Variants in TOM1L2 observed in about 807,000 individuals in gnomAD.
The protein encoded by TOM1L2 is TOM1-like protein 2.
Under a neutral mutation model 67.9 loss-of-function variants are expected in TOM1L2, and 31 were observed. The observed-to-expected ratio is 0.46, with a 90% CI of 0.34 to 0.62. The LOEUF (loss-of-function observed/expected upper bound fraction) is 0.62, where lower values mean the gene tolerates loss of function less well. TOM1L2 is among the 20% of genes least tolerant of loss of function. The pLI, the probability that TOM1L2 is intolerant of heterozygous loss-of-function variation, is 0.01. For synonymous variants in TOM1L2, 256 were observed against 254.0 expected (o/e 1.01, Z -0.07); for missense variants, 606 against 663.5 (o/e 0.91, Z 0.95).
intron 2 of TOM1L2, among the ~76,000 whole-genome samples, chr17:17,902,253 G>A (rs1054560318): frequency 6.6e-6 from 1 of 152,206 alleles, no homozygotes; most frequent in Non-Finnish European, 1.5e-5. Flanking sequence ...CTGAAGGACT[G>A]TCATCAAGGC....
chr17:17,910,394 T>C (rs1311202598), intron 1 of TOM1L2, among the ~76,000 whole-genome samples: 2 of 152,130 alleles, frequency 1.3e-5, no homozygotes, highest in Non-Finnish European at 2.9e-5. Context: ...GCAATGCATT[T>C]ACATCAGATG....
chr17:17,970,562 G>C (rs986655988), intron 1 of TOM1L2, among the ~76,000 whole-genome samples: 1 of 152,182 alleles, frequency 6.6e-6, no homozygotes, highest in East Asian at 1.9e-4. Context: ...GAGTGGAAAA[G>C]GACATGGGGA....
At chr17:17,899,764 G>A (rs2038753265) in intron 2 of TOM1L2, among the ~76,000 whole-genome samples, 1 of 152,162 alleles carries the variant, frequency 6.6e-6, no homozygotes, top group African/African-American at 2.4e-5. Context: ...TCAATATACT[G>A]GTCTTTCCCA....
intron 12 of TOM1L2, among the ~76,000 whole-genome samples, chr17:17,853,993 A>G (rs1293647503): frequency 6.6e-6 from 1 of 152,258 alleles, no homozygotes; most frequent in Non-Finnish European, 1.5e-5. Flanking sequence ...GTCAGAAATT[A>G]TGGAAACTGA....
At chr17:17,867,652 G>A (rs1276969815) in intron 8 of TOM1L2, among the ~76,000 whole-genome samples, 4 of 152,216 alleles carry the variant, frequency 2.6e-5, no homozygotes, top group Non-Finnish European at 4.4e-5. Flanking sequence ...CAAATGCCAT[G>A]GGCAGCGGTA....
intron 7 of TOM1L2, among the ~76,000 whole-genome samples, chr17:17,875,864 AAG>A (rs1437793444): frequency 6.6e-6 from 1 of 152,248 alleles, no homozygotes; most frequent in African/African-American, 2.4e-5. Context: ...GTTGATGAGA[AAG>A]GGGAATAATG....
intron 1 of TOM1L2, among the ~76,000 whole-genome samples, chr17:17,956,529 G>A (rs528538687): frequency 2.6e-5 from 4 of 152,332 alleles, no homozygotes; most frequent in South Asian, 2.1e-4. Context: ...CGATGGGACC[G>A]GGCGCAGTGG....
intron 8 of TOM1L2, among the ~76,000 whole-genome samples, chr17:17,868,291 T>C (rs1021683517): frequency 1.3e-5 from 2 of 152,196 alleles, no homozygotes; most frequent in African/African-American, 4.8e-5. Context: ...ACAGAGCCAC[T>C]GGTGTGTACT....
chr17:17,905,359 C>T (rs953417460), intron 2 of TOM1L2, among the ~76,000 whole-genome samples: 2 of 152,218 alleles, frequency 1.3e-5, no homozygotes, highest in Admixed American at 1.3e-4. Flanking sequence ...CCTCAGGAAA[C>T]AGCAGCTCCA....
At chr17:17,914,744 G>A (rs2039557007) in intron 1 of TOM1L2, among the ~76,000 whole-genome samples, 1 of 152,176 alleles carries the variant, frequency 6.6e-6, no homozygotes, top group Non-Finnish European at 1.5e-5. Flanking sequence ...TGTGAAGTCA[G>A]ATTCTTACTA....
intron 1 of TOM1L2, among the ~76,000 whole-genome samples, chr17:17,956,682 G>A (rs1332846111): frequency 6.6e-6 from 1 of 152,226 alleles, no homozygotes; most frequent in Non-Finnish European, 1.5e-5. Context: ...CACAGCACTG[G>A]CGGGCCGGCA....
At chr17:17,941,687 C>T (rs1335292252) in intron 1 of TOM1L2, among the ~76,000 whole-genome samples, 1 of 152,112 alleles carries the variant, frequency 6.6e-6, no homozygotes, top group Admixed American at 6.5e-5. Flanking sequence ...CTGGCTCTGC[C>T]ACATTTATTA....
chr17:17,854,087 C>G (rs567021981), intron 12 of TOM1L2, among the ~76,000 whole-genome samples: 1 of 152,196 alleles, frequency 6.6e-6, no homozygotes, highest in Non-Finnish European at 1.5e-5. Flanking sequence ...GCTTATATAA[C>G]GTAAGCTTAA....
intron 1 of TOM1L2, among the ~76,000 whole-genome samples, chr17:17,912,256 C>G (rs1240354372): frequency 2.0e-5 from 3 of 151,060 alleles, no homozygotes; most frequent in African/African-American, 4.9e-5. Context: ...CCTCACCTCC[C>G]GGACGGGGCG....
intron 1 of TOM1L2, 92 bp downstream of exon 1, chr17:17,972,170 A>T: frequency 6.8e-7 from 1 of 1,476,560 alleles, no homozygotes; most frequent in South Asian, 1.2e-5. Flanking sequence ...CCGCTCGTGA[A>T]GTGGCACCGG....
At chr17:17,942,535 A>G (rs1360650614) in intron 1 of TOM1L2, among the ~76,000 whole-genome samples, 1 of 152,134 alleles carries the variant, frequency 6.6e-6, no homozygotes, top group East Asian at 1.9e-4. Flanking sequence ...AGATCTTATT[A>G]TGGGCCGATA....
intron 12 of TOM1L2, among the ~76,000 whole-genome samples, chr17:17,851,716 G>A (rs1473271426): frequency 3.9e-5 from 6 of 152,172 alleles, no homozygotes; most frequent in African/African-American, 4.8e-5. Context: ...CTTTAGTCTC[G>A]TCCTTTCTTC....
chr17:17,907,878 T>C (rs2039168065), intron 1 of TOM1L2, among the ~76,000 whole-genome samples: 2 of 152,178 alleles, frequency 1.3e-5, no homozygotes, highest in African/African-American at 2.4e-5. Context: ...TACTTACTAG[T>C]TGTGTGGTCT....
rs1441833850 is a variant in TOM1L2, at chr17:17,962,322, A to AT, written c.52+9939dup. ...AGAGATGGCCAGTGGTGATTGTTGCATATTTTTTTTTTTTTAGGGATGGAG... is the reference window on the plus strand; with the variant it reads ...AGAGATGGCCAGTGGTGATTGTTGCATTATTTTTTTTTTTTTAGGGATGGAG... On this transcript the variant is annotated intron_variant, in intron 1 of 14. Coordinates refer to ENST00000379504, the MANE Select transcript of TOM1L2 (RefSeq NM_001082968.2). Among the ~76,000 whole-genome samples, 144 of 114,334 alleles carry AT rather than the reference A, an allele frequency of 1.3e-3. 1 individual carries two copies. Among genetic ancestry groups the AT allele is most frequent in the African/African-American group, 4.7e-3 (134 of 28,746 alleles). The allele number at this position is 114,334 out of a possible 152,430, so 75.0% of individuals were successfully genotyped here. A position where few individuals can be genotyped will look rare whatever the true frequency, so the allele number is the denominator to read the frequency against.
Sources: gnomAD v4.1 joint callset for allele counts (sites outside exome capture counted in the v4.1 genomes callset) on GRCh38, gnomAD v4.1.1 for gene constraint, MANE v1.5 for transcripts, NCBI Gene and HGNC (gene_info 2026-07-23, HGNC 2026-07-21) for gene names.